Variants in EYS observed in about 807,000 individuals in gnomAD.
The protein encoded by EYS is EGF-like photoreceptor maintenance factor, also known as protein eyes shut homolog.
A neutral mutation model predicts 282.1 loss-of-function variants in EYS; 250 were observed. The ratio of observed to expected loss-of-function variants is 0.89; its 90% CI spans 0.80 to 0.98. The LOEUF (loss-of-function observed/expected upper bound fraction) is 0.98, where lower values mean the gene tolerates loss of function less well. Ranked by LOEUF, EYS falls within the 50% of genes least tolerant of loss-of-function variation. EYS has a pLI of 0.00. For missense variants in EYS, 4,016 were observed against 3,709.0 expected (o/e 1.08, Z -2.15); for synonymous variants, 1,355 against 1,282.9 (o/e 1.06, Z -1.20).
chr6:65,464,569 A>G (rs9363373), intron 5 of EYS, among the ~76,000 whole-genome samples: 28,401 of 152,138 alleles, frequency 0.19, 3,282 homozygotes, highest in Middle Eastern at 0.3. Context: ...TCTAAAAGAA[A>G]GTAAAAAGTT....
chr6:65,384,542 A>C (rs1205376569), intron 7 of EYS, 42 bp from the exon 8 acceptor site: 1 of 987,590 alleles, frequency 1.0e-6, no homozygotes, highest in Admixed American at 1.8e-5. Flanking sequence ...TATAATTTAA[A>C]TGTTTTCAGA....
At chr6:64,938,462 C>A (rs1768983602) in intron 15 of EYS, among the ~76,000 whole-genome samples, 1 of 151,524 alleles carries the variant, frequency 6.6e-6, no homozygotes, top group African/African-American at 2.4e-5. Context: ...TTAAACTTCA[C>A]CATAGTTATA....
intron 30 of EYS, among the ~76,000 whole-genome samples, chr6:64,245,305 G>T (rs547728140): frequency 1.3e-5 from 2 of 148,962 alleles, no homozygotes; most frequent in Non-Finnish European, 1.5e-5. Context: ...TTTTGTTTTT[G>T]TTTTTTGTGG....
intron 22 of EYS, among the ~76,000 whole-genome samples, chr6:64,661,148 A>G (rs1362546661): frequency 1.3e-5 from 2 of 152,150 alleles, no homozygotes; most frequent in Non-Finnish European, 2.9e-5. Flanking sequence ...ACGATTCCCT[A>G]TTTAATAAAT....
rs143736246 is a variant in EYS, at chr6:64,528,015, G to GT, written c.5644+62207dup. On this transcript the variant is annotated intron_variant, in intron 26 of 42. Transcript: ENST00000503581. ...ATAAGTATATCACATATATATGGAT[G>GT]TAAGTATACATAGACTCACAGAACC... Among the ~76,000 whole-genome samples the GT allele has an allele frequency of 8.2e-3, 1,244 of 151,890 alleles. 39 individuals carry two copies. The highest frequency in any genetic ancestry group is 0.08 in the East Asian group (412 of 5,154).
At chr6:64,843,320 T>G (rs943168936) in intron 19 of EYS, among the ~76,000 whole-genome samples, 4 of 152,108 alleles carry the variant, frequency 2.6e-5, no homozygotes, top group Non-Finnish European at 5.9e-5. Flanking sequence ...GACCCCAGAA[T>G]GGTAGATCCA....
At chr6:64,659,010 C>T (rs997109223) in intron 22 of EYS, among the ~76,000 whole-genome samples, 2 of 152,124 alleles carry the variant, frequency 1.3e-5, no homozygotes, top group Non-Finnish European at 2.9e-5. Flanking sequence ...TCAGCAAATG[C>T]AAAAGAACAG....
chr6:63,731,427 A>G (rs1768778497), intron 41 of EYS, among the ~76,000 whole-genome samples: 1 of 151,994 alleles, frequency 6.6e-6, no homozygotes, highest in African/African-American at 2.4e-5. Flanking sequence ...CCTTTCTTAT[A>G]TCTATTGCAA....
At chr6:65,057,047 T>C (rs892236130) in intron 13 of EYS, among the ~76,000 whole-genome samples, 2 of 151,942 alleles carry the variant, frequency 1.3e-5, no homozygotes, top group African/African-American at 2.4e-5. Flanking sequence ...TTCAAATTTC[T>C]TAGCTTAGAA....
At chr6:63,818,852 T>C (rs1470376890) in intron 36 of EYS, among the ~76,000 whole-genome samples, 1 of 152,228 alleles carries the variant, frequency 6.6e-6, no homozygotes, top group Admixed American at 6.5e-5. Context: ...TGTGGCCCTG[T>C]GGCAGTCTTC....
chr6:64,843,741 T>C (rs1247370713), intron 19 of EYS, among the ~76,000 whole-genome samples: 3 of 152,144 alleles, frequency 2.0e-5, no homozygotes, highest in African/African-American at 7.2e-5. Flanking sequence ...GGGTTAATGC[T>C]GAAATGAGTT....
intron 28 of EYS, among the ~76,000 whole-genome samples, chr6:64,434,510 C>G (rs1774674845): frequency 6.6e-6 from 1 of 152,036 alleles, no homozygotes; most frequent in African/African-American, 2.4e-5. Context: ...ATTTATAACT[C>G]TTATCTTTAC....
At chr6:64,710,930 T>C (rs1771191442) in intron 22 of EYS, among the ~76,000 whole-genome samples, 1 of 152,190 alleles carries the variant, frequency 6.6e-6, no homozygotes, top group South Asian at 2.1e-4. Context: ...ATATATGATA[T>C]AGGTGCTGCC....
chr6:64,994,578 T>G lies in EYS; in HGVS notation c.2259+3004A>C, dbSNP rs1771183225. 2.6e-5 allele frequency among the ~76,000 whole-genome samples: 4 copies of G among 152,228 alleles called. No individual in the cohort carries two copies. The South Asian group carries it at 8.3e-4, about 32-fold the overall frequency. Reference sequence around the variant, plus strand: ...GTTTTTTTAAGGTTATTAAATATTCTGCAGAAAAATCCAACTCTGTGCCTT... The same window carrying G: ...GTTTTTTTAAGGTTATTAAATATTCGGCAGAAAAATCCAACTCTGTGCCTT... On this transcript the variant is annotated intron_variant, in intron 14 of 42. Coordinates refer to ENST00000503581, the MANE Select transcript of EYS (RefSeq NM_001142800.2).
intron 14 of EYS, among the ~76,000 whole-genome samples, chr6:64,953,909 A>G (rs1182281249): frequency 6.6e-6 from 1 of 152,010 alleles, no homozygotes; most frequent in Non-Finnish European, 1.5e-5. Context: ...ATAGAGTATA[A>G]ATCAAGCTAT....
Position 64,862,036 on chromosome 6 carries a change from C to A in EYS, c.2992+24661G>T, listed in dbSNP as rs144224826. Among the ~76,000 whole-genome samples the A allele has an allele frequency of 1.7e-3, 263 of 152,224 alleles. 1 individual carries two copies. The highest frequency in any genetic ancestry group is 6.1e-3 in the African/African-American group (252 of 41,536). On this transcript the variant is annotated intron_variant, in intron 19 of 42. Transcript: ENST00000503581. ...TATTATTTAAAGAAAGTCTTTATTT[C>A]TCTTTAATTTTTGAAAGATAATTTT...
In EYS at chr6:64,630,597, T is replaced by C. The variant is rs1243182037; in HGVS notation, c.3444-4352A>G. Among the ~76,000 whole-genome samples, 4 of 152,226 alleles carry C rather than the reference T, an allele frequency of 2.6e-5. No individual in the cohort carries two copies. In the South Asian group the frequency reaches 6.2e-4, roughly 24 times the overall value. On this transcript the variant is annotated intron_variant, in intron 22 of 42. Transcript: ENST00000503581. ...GATCAAGTGTTAAAATAGTGAACTA[T>C]ACTGAATGTTTTATGAATGCTAAGG... is the stretch of plus-strand genomic sequence containing the variant.
At chr6:64,178,795 A>C (rs931165183) in intron 31 of EYS, among the ~76,000 whole-genome samples, 1 of 152,082 alleles carries the variant, frequency 6.6e-6, no homozygotes, top group Non-Finnish European at 1.5e-5. Flanking sequence ...TACTCCTGAC[A>C]CTGGTAGTTA....
chr6:64,581,558 T>C (rs1379756587), intron 26 of EYS, among the ~76,000 whole-genome samples: 1 of 152,174 alleles, frequency 6.6e-6, no homozygotes, highest in African/African-American at 2.4e-5. Context: ...TATCTTTATG[T>C]TGCATAATGC....
Sources: allele counts gnomAD v4.1 joint callset (sites outside exome capture counted in the v4.1 genomes callset), GRCh38; gene constraint gnomAD v4.1.1; transcripts MANE v1.5; gene names NCBI Gene and HGNC (gene_info 2026-07-23, HGNC 2026-07-21).